Variants in TEX264 observed in about 807,000 individuals in gnomAD.
TEX264 encodes testis expressed 264, ER-phagy receptor, also known as testis-expressed protein 264.
A neutral mutation model predicts 23.4 loss-of-function variants in TEX264; 13 were observed. That is an observed-to-expected ratio of 0.56 (90% CI 0.36 to 0.88). The LOEUF (loss-of-function observed/expected upper bound fraction) is 0.88. TEX264 is among the 40% of genes least tolerant of loss of function. The pLI is 0.01. For synonymous variants in TEX264, 159 were observed against 170.0 expected, an observed-to-expected ratio of 0.94 and a Z score of 0.50; for missense variants, 340 against 406.8, an observed-to-expected ratio of 0.84 and a Z score of 1.41.
chr3:51,684,116 C>T (rs1577505256), intron 2 of TEX264: 9 of 419,632 alleles, frequency 2.1e-5, no homozygotes, highest in South Asian at 2.1e-4. Context: ...CTTCCCTCTC[C>T]TGGCCTCCAG....
chr3:51,683,634 G>T (rs1231109782), intron 2 of TEX264: 1 of 152,296 alleles, frequency 6.6e-6, no homozygotes, highest in East Asian at 1.9e-4. Context: ...AGAGGCTCTG[G>T]TGATGGTAGC....
chr3:51,684,880 A>C (rs1170903294), intron 3 of TEX264, among the ~76,000 whole-genome samples: 1 of 152,190 alleles, frequency 6.6e-6, no homozygotes, highest in Non-Finnish European at 1.5e-5. Context: ...CATAAATCTG[A>C]TCTGGTTAGT....
chr3:51,693,487 T>G (rs1318526783), intron 3 of TEX264, among the ~76,000 whole-genome samples: 2 of 149,722 alleles, frequency 1.3e-5, no homozygotes, highest in Non-Finnish European at 3.0e-5. Flanking sequence ...TTTTTTTTTT[T>G]TTTTTTTTTT....
intron 2 of TEX264, among the ~76,000 whole-genome samples, chr3:51,674,781 C>T (rs1702177222): frequency 6.6e-6 from 1 of 152,232 alleles, no homozygotes; most frequent in African/African-American, 2.4e-5. Context: ...TCTGGTTCCC[C>T]TTGCCCATGG....
intron 3 of TEX264, among the ~76,000 whole-genome samples, chr3:51,694,081 GTCCGTCCTTCCT>G (rs1244350904): frequency 1.4e-3 from 77 of 56,718 alleles, no homozygotes; most frequent in Non-Finnish European, 1.5e-3. Context: ...CCTTCCTTCC[GTCCGTCCTTCCT>G]TCCTTCCTTC....
At chr3:51,684,315 G>A in intron 2 of TEX264, 98 bp from the exon 3 acceptor site, 1 of 1,104,000 alleles carries the variant, frequency 9.1e-7, no homozygotes, top group Non-Finnish European at 1.3e-6. Context: ...CAGAGCTGCT[G>A]GTTCTTTTAG....
At chr3:51,694,085 GTCCTTCCTTCCT>G (rs60670569) in intron 3 of TEX264, among the ~76,000 whole-genome samples, 3,931 of 85,292 alleles carry the variant, frequency 0.046, 121 homozygotes, top group Admixed American at 0.067. Context: ...CCTTCCGTCC[GTCCTTCCTTCCT>G]TCCTTCCTTC....
intron 2 of TEX264, among the ~76,000 whole-genome samples, chr3:51,676,002 G>A (rs1702214102): frequency 6.6e-6 from 1 of 152,196 alleles, no homozygotes; most frequent in Non-Finnish European, 1.5e-5. Context: ...AGATTGGGCT[G>A]GGTCCAGGTG....
rs759117780 is a variant in TEX264, at chr3:51,674,325, G to A, written c.21G>A (p.Leu7=). 8.7e-6 allele frequency: 14 copies of A among 1,614,192 alleles called. No individual in the cohort carries two copies. In the South Asian group the frequency reaches 1.4e-4, roughly 16 times the overall value. The change falls in exon 2 of 5, where the codon CTG becomes CTA. Residue 7 remains leucine, a synonymous_variant. Transcript: ENST00000341333. ...GAGCCATGTCGGACCTGCTACTACT[G>A]GGCCTGATTGGGGGCCTGACTCTCT... MSDLLL[L]GLIGGLTLLL...
chr3:51,676,790 CAT>C (rs371605467), intron 2 of TEX264, among the ~76,000 whole-genome samples: 6 of 152,354 alleles, frequency 3.9e-5, no homozygotes, highest in South Asian at 2.1e-4. Context: ...CTTGTGCTAA[CAT>C]ATGCTGAGAG....
Position 51,699,537 on chromosome 3 carries a change from G to T in TEX264, c.612G>T (p.Gly204=). ...AGGAGACAGAGTGGAAATGGCGGGG[G>T]CTTGTGGAGGCCATTGACACCCAGG... ...EMKETEWKWR[G]LVEAIDTQVD... The change falls in exon 4 of 5, where the codon GGG becomes GGT. Residue 204 remains glycine, a synonymous_variant. Transcript: ENST00000341333. The T allele has an allele frequency of 2.5e-6, 4 of 1,614,066 alleles. No homozygotes were observed. Among genetic ancestry groups the T allele is most frequent in the Non-Finnish European group, 3.4e-6 (4 of 1,179,940 alleles).
chr3:51,693,508 C>G (rs1168448128), intron 3 of TEX264, among the ~76,000 whole-genome samples: 1 of 135,306 alleles, frequency 7.4e-6, no homozygotes, highest in African/African-American at 2.8e-5. Context: ...GAGACAGAGT[C>G]TCATTCTGTC....
At chr3:51,679,394 C>T (rs1702344581) in intron 2 of TEX264, among the ~76,000 whole-genome samples, 1 of 152,152 alleles carries the variant, frequency 6.6e-6, no homozygotes, top group Admixed American at 6.5e-5. Context: ...TGGTTTAGTC[C>T]CAGCCTCCTG....
intron 2 of TEX264, among the ~76,000 whole-genome samples, chr3:51,677,811 G>A (rs1702281377): frequency 6.6e-6 from 1 of 152,186 alleles, no homozygotes; most frequent in African/African-American, 2.4e-5. Flanking sequence ...GTCCTGTATG[G>A]GAAGAGGCTG....
chr3:51,684,518 G>T lies in TEX264; in HGVS notation c.364G>T (p.Val122Leu). The change falls in exon 3 of 5, where the codon GTG becomes TTG. Residue 122 changes from valine (V) to leucine (L), a missense_variant. Physicochemically the swap from Val to Leu is conservative, Grantham distance 32. Transcript: ENST00000341333. ...IDLYQKFGFK[V>L]FSFPAPSHVV... ...CCTCTACCAGAAATTTGGCTTCAAGGTGTTCTCCTTCCCGGCACCCAGCCA... is the reference window on the plus strand; with the variant it reads ...CCTCTACCAGAAATTTGGCTTCAAGTTGTTCTCCTTCCCGGCACCCAGCCA... 6.2e-7 allele frequency: 1 copy of T among 1,614,174 alleles called. No individual in the cohort carries two copies. The highest frequency in any genetic ancestry group is 8.5e-7 in the Non-Finnish European group (1 of 1,180,022).
chr3:51,697,022 C>T (rs938870767), intron 3 of TEX264, among the ~76,000 whole-genome samples: 1 of 152,188 alleles, frequency 6.6e-6, no homozygotes, highest in African/African-American at 2.4e-5. Context: ...AGGGCTGTGT[C>T]GCAGGGCCAC....
intron 3 of TEX264, among the ~76,000 whole-genome samples, chr3:51,685,839 A>G (rs957889585): frequency 5.9e-5 from 9 of 152,230 alleles, no homozygotes; most frequent in African/African-American, 1.7e-4. Context: ...CCCAGCGGCT[A>G]TAGAGCTGTG....
rs375777095 is a variant in TEX264 at position 51,702,205 on chromosome 3, C to T, written c.650-1519C>T. Among the ~76,000 whole-genome samples, 12 of 152,264 alleles carry T rather than the reference C, an allele frequency of 7.9e-5. No homozygotes were observed. In the East Asian group the frequency reaches 1.7e-3, roughly 22 times the overall value. ...CCCTCCTTTGCTCTTTTCAGGCCTG[C>T]GGTCCCTGGGGCACTGATCATTATT... On this transcript the variant is annotated intron_variant, in intron 4 of 4. Transcript: ENST00000341333.
In TEX264 at chr3:51,699,495, C is replaced by T; in HGVS notation, c.570C>T (p.Phe190=). The change falls in exon 4 of 5, where the codon TTC becomes TTT. Residue 190 remains phenylalanine, a synonymous_variant. Coordinates refer to ENST00000341333, the MANE Select transcript of TEX264 (RefSeq NM_015926.6). ...GCCCACTGGCACGGCAGGGAGACTT[C>T]TATGTGCCTGAGATGAAGGAGACAG... ...FMCPLARQGD[F]YVPEMKETEW... is the part of the protein sequence containing the mutation. The T allele has an allele frequency of 1.2e-6, 2 of 1,614,092 alleles. No individual in the cohort carries two copies. The highest frequency in any genetic ancestry group is 1.7e-6 in the Non-Finnish European group (2 of 1,179,950).
Sources: gnomAD v4.1 joint callset for allele counts (sites outside exome capture counted in the v4.1 genomes callset) on GRCh38, gnomAD v4.1.1 for gene constraint, MANE v1.5 for transcripts, NCBI Gene and HGNC (gene_info 2026-07-23, HGNC 2026-07-21) for gene names.